Variants in WASF3 observed in about 807,000 individuals in gnomAD.
WASF3 encodes actin-binding protein WASF3.
WASF3 carries 11 observed loss-of-function variants against 46.6 expected under a neutral mutation model. That is an observed-to-expected ratio of 0.24 (90% CI 0.15 to 0.39). The LOEUF (loss-of-function observed/expected upper bound fraction) is 0.39, where lower values mean the gene tolerates loss of function less well. Ranked by LOEUF, WASF3 falls within the 10% of genes least tolerant of loss-of-function variation. WASF3 has a pLI of 1.00. For missense variants in WASF3, 576 were observed against 669.8 expected (o/e 0.86, Z 1.55); for synonymous variants, 242 against 259.7 (o/e 0.93, Z 0.65).
At chr13:26,596,958 G>A (rs571317252) in intron 1 of WASF3, among the ~76,000 whole-genome samples, 6 of 152,106 alleles carry the variant, frequency 3.9e-5, no homozygotes, top group Admixed American at 3.3e-4. Context: ...ATTTTACTCT[G>A]ATGAAATCTT....
intron 5 of WASF3, among the ~76,000 whole-genome samples, chr13:26,669,846 A>G (rs1882879452): frequency 6.7e-6 from 1 of 148,704 alleles, no homozygotes; most frequent in Non-Finnish European, 1.5e-5. Context: ...TTTAGAAGCT[A>G]TAGGAAACAA....
At chr13:26,591,618 T>C (rs1169077582) in intron 1 of WASF3, among the ~76,000 whole-genome samples, 1 of 152,086 alleles carries the variant, frequency 6.6e-6, no homozygotes, top group Admixed American at 6.5e-5. Context: ...ATTTTGGGCA[T>C]GTTATATTTC....
chr13:26,548,139 A>C, the WASF3 span, among the ~76,000 whole-genome samples: 2 of 152,182 alleles, frequency 1.3e-5, no homozygotes, highest in Non-Finnish European at 2.9e-5. Context: ...TATATCTTTG[A>C]CCATGGCATT....
chr13:26,670,344 T>TG (rs1882894538), intron 5 of WASF3, among the ~76,000 whole-genome samples: 1 of 150,598 alleles, frequency 6.6e-6, no homozygotes, highest in African/African-American at 2.4e-5. Context: ...CCGGGCCTGT[T>TG]GGGGGGTGAG....
Position 26,578,993 on chromosome 13 carries a change from C to CTTTTTTTTT in WASF3, c.-109+21189_-109+21197dup, listed in dbSNP as rs200299739. On this transcript the variant is annotated intron_variant, in intron 1 of 9. Coordinates refer to ENST00000335327, the MANE Select transcript of WASF3 (RefSeq NM_006646.6). The stretch of plus-strand genomic sequence containing the variant: ...ACCTTATATTCTTGGGATACATTTC[C>CTTTTTTTTT]TTTTTTTTTTTTTTTTTTTTTTTGT... 6.9e-3 allele frequency among the ~76,000 whole-genome samples: 416 copies of CTTTTTTTTT among 60,602 alleles called. 54 individuals carry two copies. The highest frequency in any genetic ancestry group is 0.016 in the Middle Eastern group (1 of 64). The allele number at this position is 60,602 out of a possible 152,430, so 39.8% of individuals were successfully genotyped here. A position where few individuals can be genotyped will look rare whatever the true frequency, so the allele number is the denominator to read the frequency against.
At chr13:26,547,234 T>G in the WASF3 span, among the ~76,000 whole-genome samples, 2 of 152,184 alleles carry the variant, frequency 1.3e-5, no homozygotes, top group Non-Finnish European at 2.9e-5. Flanking sequence ...AATTCCTAAT[T>G]TGTAACCCTG....
In WASF3 at chr13:26,679,275, C is replaced by T. The variant is rs192486818; in HGVS notation, c.717-1779C>T. ...TCCTCCCTCCTCCTCCTCCTGCCTG[C>T]TGGCACATCCCTTTTCTGTGGTCCT... On this transcript the variant is annotated intron_variant, in intron 7 of 9. Coordinates refer to ENST00000335327, the MANE Select transcript of WASF3 (RefSeq NM_006646.6). The surrounding 1 kb of genome is among the most constrained non-coding windows in gnomAD (Gnocchi z 4.8). Among the ~76,000 whole-genome samples, 12 of 152,324 alleles carry T rather than the reference C, an allele frequency of 7.9e-5. No individual in the cohort carries two copies. In the Middle Eastern group the frequency reaches 0.01, roughly 130 times the overall value.
At chr13:26,613,899 C>T (rs1881055659) in intron 2 of WASF3, among the ~76,000 whole-genome samples, 1 of 152,112 alleles carries the variant, frequency 6.6e-6, no homozygotes, top group Admixed American at 6.5e-5. Flanking sequence ...AGTGACCTGT[C>T]TTACTCTAAT....
intron 4 of WASF3, among the ~76,000 whole-genome samples, chr13:26,666,823 C>T (rs1882786579): frequency 7.5e-6 from 1 of 132,466 alleles, no homozygotes; most frequent in East Asian, 2.2e-4. Context: ...GGCACGAACC[C>T]GGGAGGCTGC....
At chr13:26,539,285 G>T in the WASF3 span, among the ~76,000 whole-genome samples, 1 of 152,148 alleles carries the variant, frequency 6.6e-6, no homozygotes, top group Non-Finnish European at 1.5e-5. Flanking sequence ...AGCTGAGTCT[G>T]GGGGGCTGGT....
intron 2 of WASF3, among the ~76,000 whole-genome samples, chr13:26,624,768 C>A (rs1881414944): frequency 6.6e-6 from 1 of 151,928 alleles, no homozygotes; most frequent in African/African-American, 2.4e-5. Flanking sequence ...AACAGAGGAA[C>A]AAGGGTAAGA....
At chr13:26,634,088 G>A (rs1198086381) in intron 2 of WASF3, among the ~76,000 whole-genome samples, 2 of 152,150 alleles carry the variant, frequency 1.3e-5, no homozygotes, top group African/African-American at 4.8e-5. Flanking sequence ...ACAGTGGGGT[G>A]TTAAAGTCTC....
rs1879421966 is a variant in WASF3, at chr13:26,565,096, C to G, written c.-109+7277C>G. On this transcript the variant is annotated intron_variant, in intron 1 of 9. Transcript: ENST00000335327. Reference sequence around the variant, plus strand: ...ACTGTAGGCCGTGGTGCTATCTCGGCTTGAAACCGGGAGGTGGTGGCTGCA... The same window carrying G: ...ACTGTAGGCCGTGGTGCTATCTCGGGTTGAAACCGGGAGGTGGTGGCTGCA... 2.0e-5 allele frequency among the ~76,000 whole-genome samples: 3 copies of G among 149,692 alleles called. No homozygotes were observed. In the Admixed American group the frequency reaches 2.0e-4, roughly 10 times the overall value.
chr13:26,611,537 A>G (rs1880978453), intron 1 of WASF3, among the ~76,000 whole-genome samples: 1 of 152,176 alleles, frequency 6.6e-6, no homozygotes, highest in African/African-American at 2.4e-5. Context: ...GGATATAACC[A>G]TCTCTTAAGT....
At chr13:26,589,696 G>T (rs114229459) in intron 1 of WASF3, among the ~76,000 whole-genome samples, 2 of 152,164 alleles carry the variant, frequency 1.3e-5, no homozygotes, top group Non-Finnish European at 2.9e-5. Context: ...GCAGATTTAT[G>T]TGTGAACTTA....
intron 1 of WASF3, among the ~76,000 whole-genome samples, chr13:26,600,824 C>T (rs1051839749): frequency 6.6e-6 from 1 of 152,150 alleles, no homozygotes; most frequent in Non-Finnish European, 1.5e-5. Flanking sequence ...ATGTTAATGT[C>T]TCTTCCCTAC....
intron 1 of WASF3, among the ~76,000 whole-genome samples, chr13:26,564,913 T>G (rs981976591): frequency 1.3e-5 from 2 of 149,640 alleles, no homozygotes; most frequent in Admixed American, 1.3e-4. Flanking sequence ...TTTTTTTTTT[T>G]TTTTTTTTTT....
chr13:26,543,924 G>A, the WASF3 span, among the ~76,000 whole-genome samples: 1 of 152,118 alleles, frequency 6.6e-6, no homozygotes, highest in African/African-American at 2.4e-5. Flanking sequence ...TAAGATCCAA[G>A]CAATTGCTAT....
chr13:26,607,729 G>A (rs1034920308), intron 1 of WASF3, among the ~76,000 whole-genome samples: 14 of 151,480 alleles, frequency 9.2e-5, no homozygotes, highest in Admixed American at 2.0e-4. Context: ...TCAGCCTCCC[G>A]GGCTCAGGTG....
Sources: gnomAD v4.1 joint callset for allele counts (sites outside exome capture counted in the v4.1 genomes callset) on GRCh38, gnomAD v4.1.1 for gene constraint, Gnocchi (gnomAD v3.1) non-coding constraint, MANE v1.5 for transcripts, NCBI Gene and HGNC (gene_info 2026-07-23, HGNC 2026-07-21) for gene names.